The following DPP10 variants were observed in gnomAD, a reference collection of about 807,000 sequenced individuals.
The protein encoded by DPP10 is inactive dipeptidyl peptidase 10.
In DPP10, 33 loss-of-function variants were observed where a neutral mutation model predicts 120.9. The observed-to-expected ratio is 0.27, with a 90% CI of 0.21 to 0.37. DPP10 has a LOEUF of 0.37. Ranked by LOEUF, DPP10 falls within the 10% of genes least tolerant of loss-of-function variation. The pLI, the probability that DPP10 is intolerant of heterozygous loss-of-function variation, is 1.00. For synonymous variants in DPP10, 337 were observed against 326.1 expected (o/e 1.03, Z -0.36); for missense variants, 816 against 942.8 (o/e 0.87, Z 1.76).
intron 1 of DPP10, among the ~76,000 whole-genome samples, chr2:115,268,635 A>C (rs961247776): frequency 6.6e-6 from 1 of 152,250 alleles, no homozygotes; most frequent in Non-Finnish European, 1.5e-5. Flanking sequence ...AGATATTAGT[A>C]GAAAAATGGA....
intron 5 of DPP10, among the ~76,000 whole-genome samples, chr2:115,554,655 A>T (rs2149019481): frequency 6.6e-6 from 1 of 152,152 alleles, no homozygotes; most frequent in Admixed American, 6.6e-5. Flanking sequence ...CCTTCCGAAA[A>T]CATCTTTCTT....
At chr2:115,671,098 T>G (rs1054981444) in intron 5 of DPP10, among the ~76,000 whole-genome samples, 6 of 152,154 alleles carry the variant, frequency 3.9e-5, no homozygotes, top group South Asian at 2.1e-4. Context: ...ATGGTTGATA[T>G]AATTAATTTT....
chr2:114,886,606 A>G (rs1429717218), intron 1 of DPP10, among the ~76,000 whole-genome samples: 1 of 152,194 alleles, frequency 6.6e-6, no homozygotes, highest in Admixed American at 6.5e-5. Context: ...GCCTATTAAA[A>G]CTATAGAGAT....
chr2:115,168,022 A>G (rs2053033739), intron 1 of DPP10, among the ~76,000 whole-genome samples: 1 of 152,024 alleles, frequency 6.6e-6, no homozygotes, highest in East Asian at 1.9e-4. Flanking sequence ...ATTTATAGAA[A>G]TATGTCAGGG....
intron 21 of DPP10, among the ~76,000 whole-genome samples, chr2:115,819,768 C>T (rs1449931668): frequency 6.6e-6 from 1 of 152,096 alleles, no homozygotes; most frequent in African/African-American, 2.4e-5. Flanking sequence ...CCGAGGTGGG[C>T]GGATCGCCTG....
chr2:114,565,634 C>T (rs1343432586), intron 1 of DPP10, among the ~76,000 whole-genome samples: 1 of 152,242 alleles, frequency 6.6e-6, no homozygotes, highest in Non-Finnish European at 1.5e-5. Flanking sequence ...CACAGCGCAG[C>T]ATACTTCTGT....
intron 1 of DPP10, among the ~76,000 whole-genome samples, chr2:115,111,631 G>A (rs1339392883): frequency 6.6e-6 from 1 of 152,106 alleles, no homozygotes; most frequent in African/African-American, 2.4e-5. Context: ...ATGGTGGGTG[G>A]AGAGGAACTC....
At chr2:115,475,736 G>T (rs2075035581) in intron 3 of DPP10, among the ~76,000 whole-genome samples, 2 of 152,168 alleles carry the variant, frequency 1.3e-5, no homozygotes. Flanking sequence ...CCAAGGCTTT[G>T]GGAGCCCTCC....
At chr2:114,693,491 C>G (rs1008150358) in intron 1 of DPP10, among the ~76,000 whole-genome samples, 1 of 151,882 alleles carries the variant, frequency 6.6e-6, no homozygotes, top group African/African-American at 2.4e-5. Flanking sequence ...TCTGGACTTT[C>G]TCTCTGGCTG....
At chr2:114,687,012 C>T (rs76707554) in intron 1 of DPP10, among the ~76,000 whole-genome samples, 1 of 151,878 alleles carries the variant, frequency 6.6e-6, no homozygotes, top group African/African-American at 2.4e-5. Context: ...TATGTTTAAC[C>T]ACATCTCAGA....
At chr2:115,787,992 A>G (rs1388109300) in intron 17 of DPP10, among the ~76,000 whole-genome samples, 1 of 152,172 alleles carries the variant, frequency 6.6e-6, no homozygotes, top group African/African-American at 2.4e-5. Context: ...CAAACCTAGA[A>G]GATATTTCTC....
rs557461515 is a variant in DPP10 at position 115,769,372 on chromosome 2, A to G, written c.1221+968A>G. 2.1e-3 allele frequency among the ~76,000 whole-genome samples: 313 copies of G among 152,208 alleles called. 1 individual carries two copies. The highest frequency in any genetic ancestry group is 7.2e-3 in the African/African-American group (298 of 41,578). On this transcript the variant is annotated intron_variant, in intron 13 of 25. Coordinates refer to ENST00000410059, the MANE Select transcript of DPP10 (RefSeq NM_020868.6). Reference sequence around the variant, plus strand: ...CTGTGCACATTCTCAAATGATTACCATTATCCATATACATTTGTATTGGAC... The same window carrying G: ...CTGTGCACATTCTCAAATGATTACCGTTATCCATATACATTTGTATTGGAC...
chr2:114,827,947 G>A (rs1252241403), intron 1 of DPP10, among the ~76,000 whole-genome samples: 1 of 152,116 alleles, frequency 6.6e-6, no homozygotes, highest in African/African-American at 2.4e-5. Flanking sequence ...ATAACAGAAA[G>A]CAGATTTTTA....
intron 3 of DPP10, among the ~76,000 whole-genome samples, chr2:115,372,382 A>C (rs2065472828): frequency 7.4e-6 from 1 of 135,952 alleles, no homozygotes; most frequent in South Asian, 2.5e-4. Context: ...GTGAATGAAA[A>C]GGTAATCATT....
chr2:115,336,580 TC>T (rs2063146562), intron 2 of DPP10, among the ~76,000 whole-genome samples: 1 of 149,928 alleles, frequency 6.7e-6, no homozygotes, highest in Admixed American at 6.7e-5. Flanking sequence ...TCTCTCTCTC[TC>T]TGTCTCTCTC....
At chr2:115,826,225 C>T (rs1688300598) in intron 21 of DPP10, among the ~76,000 whole-genome samples, 1 of 152,092 alleles carries the variant, frequency 6.6e-6, no homozygotes, top group Admixed American at 6.5e-5. Context: ...TTAGTCTGGT[C>T]CGTTGAGGCC....
At position 115,829,929 on chromosome 2, in the gene DPP10, T is replaced by C. The variant is rs554422189; in HGVS notation, c.1951-6228T>C. Among the ~76,000 whole-genome samples the C allele has an allele frequency of 3.1e-3, 470 of 152,258 alleles. 4 individuals carry two copies. Among genetic ancestry groups the C allele is most frequent in the African/African-American group, 0.011 (457 of 41,578 alleles). On this transcript the variant is annotated intron_variant, in intron 21 of 25. Coordinates refer to ENST00000410059, the MANE Select transcript of DPP10 (RefSeq NM_020868.6). ...ATTGAAGACATTAAGCAACTTTAGT[T>C]TGAATAATTATCCTCAGGACCTAAC...
At chr2:115,836,783 A>G (rs750147014) in intron 24 of DPP10, 37 bp downstream of exon 24, 1 of 1,584,314 alleles carries the variant, frequency 6.3e-7, no homozygotes, top group Non-Finnish European at 8.6e-7. Flanking sequence ...TTGATAGGGT[A>G]TGACCTTTTA....
intron 1 of DPP10, among the ~76,000 whole-genome samples, chr2:114,752,140 G>A (rs1040407419): frequency 2.8e-5 from 4 of 140,384 alleles, no homozygotes; most frequent in African/African-American, 9.8e-5. Context: ...TCTACACACT[G>A]AGAACCACTG....
Sources: allele counts gnomAD v4.1 joint callset (sites outside exome capture counted in the v4.1 genomes callset), GRCh38; gene constraint gnomAD v4.1.1; transcripts MANE v1.5; gene names NCBI Gene and HGNC (gene_info 2026-07-23, HGNC 2026-07-21).